The following UNC5D variants were observed in gnomAD, a reference collection of about 807,000 sequenced individuals.
UNC5D encodes the protein unc-5 netrin receptor D, also known as netrin receptor UNC5D.
Under a neutral mutation model 105.4 loss-of-function variants are expected in UNC5D, and 39 were observed. The ratio of observed to expected loss-of-function variants is 0.37; its 90% CI spans 0.29 to 0.48. UNC5D has a LOEUF of 0.48. UNC5D is among the 20% of genes least tolerant of loss of function. The probability of loss-of-function intolerance (pLI) is 0.98; values close to 1 mark genes in which losing one functional copy is unlikely to be tolerated. For missense variants in UNC5D, 991 were observed against 1,202.4 expected, an observed-to-expected ratio of 0.82 and a Z score of 2.60; for synonymous variants, 452 against 450.4, an observed-to-expected ratio of 1.00 and a Z score of -0.04.
chr8:35,662,840 G>A (rs1824192549), intron 4 of UNC5D, among the ~76,000 whole-genome samples: 1 of 152,162 alleles, frequency 6.6e-6, no homozygotes, highest in Admixed American at 6.5e-5. Context: ...CACAGCAGGA[G>A]GTAAGAAGCA....
At chr8:35,703,925 A>C (rs1253517482) in intron 7 of UNC5D, among the ~76,000 whole-genome samples, 1 of 152,206 alleles carries the variant, frequency 6.6e-6, no homozygotes, top group Non-Finnish European at 1.5e-5. Flanking sequence ...TAAAACCACC[A>C]AAGTCATTTT....
At chr8:35,387,683 CGTCTTT>C (rs1228134812) in intron 1 of UNC5D, among the ~76,000 whole-genome samples, 3 of 152,166 alleles carry the variant, frequency 2.0e-5, no homozygotes, top group East Asian at 1.9e-4. Flanking sequence ...AGTTCCTTAA[CGTCTTT>C]GTCTTTAAGT....
At position 35,427,158 on chromosome 8, in the gene UNC5D, C is replaced by A. The variant is rs181364675; in HGVS notation, c.104-122134C>A. ...GAATTCAGGGTTCCCCCCAACTACC[C>A]CTTTGAATTATTCTGTTAGGTCTGA... On this transcript the variant is annotated intron_variant, in intron 1 of 16. Transcript: ENST00000404895. Among the ~76,000 whole-genome samples, 280 of 152,248 alleles carry A rather than the reference C, an allele frequency of 1.8e-3. 2 individuals are homozygous for A. Among genetic ancestry groups the A allele is most frequent in the Admixed American group, 0.012 (187 of 15,296 alleles).
At chr8:35,430,381 G>A (rs900595826) in intron 1 of UNC5D, among the ~76,000 whole-genome samples, 2 of 152,084 alleles carry the variant, frequency 1.3e-5, no homozygotes, top group African/African-American at 4.8e-5. Flanking sequence ...CTGTGCATCT[G>A]TTTATCTGTA....
At chr8:35,572,372 G>A (rs749645404) in intron 3 of UNC5D, among the ~76,000 whole-genome samples, 24 of 150,798 alleles carry the variant, frequency 1.6e-4, no homozygotes, top group Non-Finnish European at 3.2e-4. Flanking sequence ...GGACAATTCA[G>A]CTGAGGGATC....
chr8:35,445,097 CATTATTCT>C (rs530427098), intron 1 of UNC5D, among the ~76,000 whole-genome samples: 67 of 151,992 alleles, frequency 4.4e-4, no homozygotes, highest in Admixed American at 1.4e-3. Flanking sequence ...AGACCTTATC[CATTATTCT>C]GTTGGTATCA....
rs981569477 is a variant in UNC5D at position 35,638,289 on chromosome 8, G to T, written c.570+42632G>T. 3.3e-5 allele frequency among the ~76,000 whole-genome samples: 5 copies of T among 151,972 alleles called. 1 individual carries two copies. The South Asian group carries it at 6.2e-4, about 19-fold the overall frequency. ...AATCGGAATCAACTAAAATTGGAGCGGTGTTTGGCAGGTGAAGACTCTTTT... is the reference window on the plus strand; with the variant it reads ...AATCGGAATCAACTAAAATTGGAGCTGTGTTTGGCAGGTGAAGACTCTTTT... On this transcript the variant is annotated intron_variant, in intron 4 of 16. Coordinates refer to ENST00000404895, the MANE Select transcript of UNC5D (RefSeq NM_080872.4).
chr8:35,324,875 A>G (rs1460797446), intron 1 of UNC5D, among the ~76,000 whole-genome samples: 1 of 152,136 alleles, frequency 6.6e-6, no homozygotes, highest in Non-Finnish European at 1.5e-5. Flanking sequence ...TCTAAGGTCT[A>G]TTCTTGGCCC....
chr8:35,470,124 A>G (rs1430912533), intron 1 of UNC5D, among the ~76,000 whole-genome samples: 1 of 152,210 alleles, frequency 6.6e-6, no homozygotes, highest in Non-Finnish European at 1.5e-5. Flanking sequence ...AGCTAAGAAC[A>G]CAAAGTAAAT....
rs58478029 is a variant in UNC5D, at chr8:35,572,275, CAAAA to C, written c.466+4056_466+4059del. 6.3e-3 allele frequency among the ~76,000 whole-genome samples: 458 copies of C among 72,412 alleles called. 1 individual carries two copies. Among genetic ancestry groups the C allele is most frequent in the East Asian group, 0.019 (45 of 2,320 alleles). 47.5% of individuals were successfully genotyped at this position (72,412 alleles called of 152,430 possible). A position where few individuals can be genotyped will look rare whatever the true frequency, so the allele number is the denominator to read the frequency against. On this transcript the variant is annotated intron_variant, in intron 3 of 16. Transcript: ENST00000404895. ...TGCACTCCAGCCTGAGCGAGACTGT[CAAAA>C]AAAAAAAAAAAAAAAAAAAAACCCA...
intron 4 of UNC5D, among the ~76,000 whole-genome samples, chr8:35,648,885 T>G (rs920029417): frequency 5.9e-5 from 9 of 152,108 alleles, no homozygotes; most frequent in African/African-American, 2.2e-4. Flanking sequence ...TTGGACAAGG[T>G]AAACACTGTA....
rs1460545621 is a variant in UNC5D at position 35,791,896 on chromosome 8, T to C, written c.*1333T>C. On this transcript the variant is annotated 3_prime_UTR_variant, in exon 17 of 17. Coordinates refer to ENST00000404895, the MANE Select transcript of UNC5D (RefSeq NM_080872.4). Reference sequence around the variant, plus strand: ...GAAATCCACAGATAATTCATGACCCTCATCTTATCACTTTACTCCATCTTT... The same window carrying C: ...GAAATCCACAGATAATTCATGACCCCCATCTTATCACTTTACTCCATCTTT... The C allele has an allele frequency of 6.6e-6, 1 of 152,114 alleles. No individual in the cohort carries two copies. The highest frequency in any genetic ancestry group is 1.5e-5 in the Non-Finnish European group (1 of 68,026). The allele number at this position is 152,114 out of a possible 1,614,324, so 9.4% of individuals were successfully genotyped here.
intron 4 of UNC5D, among the ~76,000 whole-genome samples, chr8:35,650,290 C>T (rs993851002): frequency 1.3e-5 from 2 of 152,060 alleles, no homozygotes; most frequent in Non-Finnish European, 2.9e-5. Context: ...TCGTCTTCCT[C>T]CTATTCTTAT....
At chr8:35,683,500 A>T (rs1825808600) in intron 4 of UNC5D, 47 bp from the exon 5 acceptor site, 1 of 1,531,004 alleles carries the variant, frequency 6.5e-7, no homozygotes, top group Non-Finnish European at 8.7e-7. Context: ...TCCAGAAAAG[A>T]GTTCTGATTT....
At chr8:35,557,050 T>C (rs1586126330) in intron 2 of UNC5D, among the ~76,000 whole-genome samples, 2 of 152,258 alleles carry the variant, frequency 1.3e-5, no homozygotes, top group African/African-American at 2.4e-5. Context: ...AGCAACAGGA[T>C]TGGAAATCAT....
chr8:35,585,243 C>T (rs1358772039), intron 3 of UNC5D, among the ~76,000 whole-genome samples: 2 of 152,068 alleles, frequency 1.3e-5, no homozygotes, highest in Non-Finnish European at 2.9e-5. Context: ...TCACAAAGGC[C>T]CAAAGTTATT....
chr8:35,365,168 A>G (rs773271173), intron 1 of UNC5D, among the ~76,000 whole-genome samples: 1 of 152,092 alleles, frequency 6.6e-6, no homozygotes, highest in Non-Finnish European at 1.5e-5. Context: ...TTCAGCCTCA[A>G]TCCCGATTGC....
chr8:35,682,468 G>A (rs1825734492), intron 4 of UNC5D, among the ~76,000 whole-genome samples: 1 of 152,152 alleles, frequency 6.6e-6, no homozygotes, highest in Non-Finnish European at 1.5e-5. Flanking sequence ...CAGTTTTTAT[G>A]TGTCCGTTAA....
At chr8:35,675,415 T>C (rs1825142161) in intron 4 of UNC5D, among the ~76,000 whole-genome samples, 1 of 152,184 alleles carries the variant, frequency 6.6e-6, no homozygotes, top group African/African-American at 2.4e-5. Flanking sequence ...TTGTTCATGT[T>C]CTTAAGAAGC....
Sources: allele counts gnomAD v4.1 joint callset (sites outside exome capture counted in the v4.1 genomes callset), GRCh38; gene constraint gnomAD v4.1.1; transcripts MANE v1.5; gene names NCBI Gene and HGNC (gene_info 2026-07-23, HGNC 2026-07-21).